PARP15: variants seen among roughly 807,000 people sequenced by gnomAD.
PARP15 encodes poly(ADP-ribose) polymerase family member 15.
A neutral mutation model predicts 62.1 loss-of-function variants in PARP15; 50 were observed. That is an observed-to-expected ratio of 0.81 (90% CI 0.64 to 1.02). The LOEUF is 1.02. Among genes scored for constraint, PARP15 ranks in the 50% least tolerant of loss-of-function variants. The pLI, the probability that PARP15 is intolerant of heterozygous loss-of-function variation, is 0.00. For synonymous variants in PARP15, 309 were observed against 293.1 expected (o/e 1.05, Z -0.55); for missense variants, 820 against 826.5 (o/e 0.99, Z 0.10).
At chr3:122,616,872 G>C (rs1936008570) in intron 5 of PARP15, 143 bp from the exon 6 acceptor site, 1 of 822,320 alleles carries the variant, frequency 1.2e-6, no homozygotes, top group Non-Finnish European at 1.9e-6. Flanking sequence ...CTGTTTAAGA[G>C]GCCAGGAGAT....
chr3:122,634,857 ACT>A (rs1290271439), intron 10 of PARP15, among the ~76,000 whole-genome samples, 161 bp from the exon 11 acceptor site: 1 of 152,176 alleles, frequency 6.6e-6, no homozygotes, highest in African/African-American at 2.4e-5. Context: ...AAAGCTGCCT[ACT>A]CTCTGAATTT....
At chr3:122,602,584 G>A (rs1382348659) in intron 1 of PARP15, among the ~76,000 whole-genome samples, 3 of 152,082 alleles carry the variant, frequency 2.0e-5, no homozygotes, top group Non-Finnish European at 4.4e-5. Flanking sequence ...CTAATTTTAT[G>A]ACTTCTTTCA....
At chr3:122,619,757 T>C in intron 6 of PARP15, 24 bp from the exon 7 acceptor site, 1 of 1,585,270 alleles carries the variant, frequency 6.3e-7, no homozygotes, top group African/African-American at 1.3e-5. Flanking sequence ...CTGATGCCTT[T>C]TACCATTAAC....
rs765851081 is a variant in PARP15 at position 122,637,444 on chromosome 3, T to G, written c.*1344T>G. 2.0e-5 allele frequency: 3 copies of G among 152,188 alleles called. No individual in the cohort carries two copies. The highest frequency in any genetic ancestry group is 4.4e-5 in the Non-Finnish European group (3 of 68,044). The allele number at this position is 152,188 out of a possible 1,614,324, so 9.4% of individuals were successfully genotyped here. A position where few individuals can be genotyped will look rare whatever the true frequency, so the allele number is the denominator to read the frequency against. ...GAGGACACAGAGCAAGTTTTATTCCTCTTACTGATGGTAGCCTTTCAGATC... is the reference window on the plus strand; with the variant it reads ...GAGGACACAGAGCAAGTTTTATTCCGCTTACTGATGGTAGCCTTTCAGATC... On this transcript the variant is annotated 3_prime_UTR_variant, in exon 12 of 12. Transcript: ENST00000464300.
At chr3:122,625,551 A>G (rs1936667238) in intron 8 of PARP15, among the ~76,000 whole-genome samples, 1 of 152,034 alleles carries the variant, frequency 6.6e-6, no homozygotes, top group Non-Finnish European at 1.5e-5. Flanking sequence ...CCTAGCCTGG[A>G]GATAGGGTCT....
At chr3:122,621,654 A>G in intron 8 of PARP15, 43 bp downstream of exon 8, 1 of 1,520,378 alleles carries the variant, frequency 6.6e-7, no homozygotes, top group African/African-American at 1.4e-5. Flanking sequence ...AGTGATACAA[A>G]TTCCTTTAGA....
chr3:122,594,803 G>C (rs1287461179), intron 1 of PARP15: 2 of 980,572 alleles, frequency 2.0e-6, no homozygotes, highest in Middle Eastern at 5.2e-4. Flanking sequence ...AGCAACTTCA[G>C]ATTTCCTCAG....
intron 2 of PARP15, among the ~76,000 whole-genome samples, chr3:122,608,216 T>TC (rs1418615285): frequency 2.2e-5 from 3 of 133,742 alleles, no homozygotes; most frequent in Admixed American, 7.1e-5. Flanking sequence ...CTCTTTTCTT[T>TC]TTTTTTTTTT....
At chr3:122,635,677 T>G (rs1937318592) in intron 11 of PARP15, 134 bp from the exon 12 acceptor site, 2 of 973,642 alleles carry the variant, frequency 2.1e-6, no homozygotes, top group Middle Eastern at 2.8e-4. Flanking sequence ...CCTCCCAAAG[T>G]GTTGGGATTA....
intron 1 of PARP15, among the ~76,000 whole-genome samples, chr3:122,599,444 A>G (rs552345817): frequency 7.3e-5 from 11 of 150,924 alleles, no homozygotes; most frequent in African/African-American, 2.7e-4. Context: ...TAACAATGGC[A>G]AAGTTACTTT....
At chr3:122,586,220 T>G (rs1458496895) in intron 1 of PARP15, among the ~76,000 whole-genome samples, 1 of 50,716 alleles carries the variant, frequency 2.0e-5, no homozygotes, top group East Asian at 6.1e-4. Flanking sequence ...ATTTCATATG[T>G]TAAACGTATT....
chr3:122,611,021 C>A (rs1026158976), intron 3 of PARP15, among the ~76,000 whole-genome samples: 4 of 152,178 alleles, frequency 2.6e-5, no homozygotes, highest in African/African-American at 9.7e-5. Context: ...GAGAATTCAT[C>A]ACAACTACCA....
rs182406256 is a variant in PARP15, at chr3:122,610,579, C to T, written c.392C>T (p.Pro131Leu). Reference sequence around the variant, plus strand: ...CGGGCATTTTTGCAGAAAGCTGGTCCCATGCTCCAGAAAGAGTTAGATGAC... The same window carrying T: ...CGGGCATTTTTGCAGAAAGCTGGTCTCATGCTCCAGAAAGAGTTAGATGAC... ...LSRAFLQKAG[P>L]MLQKELDDRR... The change falls in exon 3 of 12, where the codon CCC becomes CTC. Residue 131 changes from proline to leucine, a missense_variant. By Grantham distance (98) the Pro-to-Leu change is moderately conservative (BLOSUM62 -3). Coordinates refer to ENST00000464300, the MANE Select transcript of PARP15 (RefSeq NM_001113523.3). 2.6e-6 allele frequency: 4 copies of T among 1,551,620 alleles called. No individual in the cohort carries two copies. The East Asian group carries it at 9.8e-5, about 38-fold the overall frequency.
chr3:122,595,353 T>G (rs897206334), intron 1 of PARP15, among the ~76,000 whole-genome samples: 11 of 151,564 alleles, frequency 7.3e-5, no homozygotes, highest in African/African-American at 2.7e-4. Flanking sequence ...ACCTCCAGTG[T>G]TCCACCAAAG....
intron 6 of PARP15, among the ~76,000 whole-genome samples, chr3:122,619,000 A>T (rs1311515278): frequency 6.6e-6 from 1 of 152,240 alleles, no homozygotes; most frequent in Non-Finnish European, 1.5e-5. Flanking sequence ...TTTTAAAAAG[A>T]GACATTTTAT....
chr3:122,612,644 G>C (rs899422905), intron 3 of PARP15, among the ~76,000 whole-genome samples: 1 of 151,960 alleles, frequency 6.6e-6, no homozygotes, highest in African/African-American at 2.4e-5. Context: ...GTTTCACTGT[G>C]TTAGCCAGGA....
intron 8 of PARP15, among the ~76,000 whole-genome samples, chr3:122,626,324 G>A (rs372166101): frequency 1.2e-4 from 18 of 150,770 alleles, no homozygotes; most frequent in African/African-American, 4.1e-4. Flanking sequence ...TCAGCCTCCC[G>A]AGTAGCTGGG....
chr3:122,629,541 GC>G (rs1484531532), intron 9 of PARP15, among the ~76,000 whole-genome samples: 1 of 152,150 alleles, frequency 6.6e-6, no homozygotes, highest in Non-Finnish European at 1.5e-5. Context: ...AACTTTTTGG[GC>G]CCAGGGACCA....
chr3:122,606,657 G>A (rs926470662), intron 2 of PARP15, among the ~76,000 whole-genome samples: 11 of 152,122 alleles, frequency 7.2e-5, no homozygotes, highest in Non-Finnish European at 5.9e-5. Flanking sequence ...TCATCCGGGG[G>A]ACCTTTTAAA....
Sources: gnomAD v4.1 joint callset for allele counts (sites outside exome capture counted in the v4.1 genomes callset) on GRCh38, gnomAD v4.1.1 for gene constraint, MANE v1.5 for transcripts, NCBI Gene and HGNC (gene_info 2026-07-23, HGNC 2026-07-21) for gene names.